The following LMCD1 variants were observed in gnomAD, a reference collection of about 807,000 sequenced individuals.
LMCD1 encodes the protein LIM and cysteine-rich domains protein 1.
A neutral mutation model predicts 42.7 loss-of-function variants in LMCD1; 32 were observed. The ratio of observed to expected loss-of-function variants is 0.75; its 90% CI spans 0.57 to 1.01. The LOEUF (loss-of-function observed/expected upper bound fraction) is 1.01. LMCD1 is among the 50% of genes least tolerant of loss of function. The pLI, the probability that LMCD1 is intolerant of heterozygous loss-of-function variation, is 0.00. For missense variants in LMCD1, 458 were observed against 483.1 expected (o/e 0.95, Z 0.49); for synonymous variants, 178 against 184.9 (o/e 0.96, Z 0.30).
Position 8,548,614 on chromosome 3 carries a change from C to G in LMCD1, c.434C>G (p.Thr145Arg). Residue 145 changes from threonine (T) to arginine (R), a missense_variant, in exon 4 of 6, where the codon ACA becomes AGA. Coordinates refer to ENST00000157600, the MANE Select transcript of LMCD1 (RefSeq NM_014583.4). The stretch of plus-strand genomic sequence containing the variant: ...ATCCCCAAGGAGAAGCAGCCAGTGA[C>G]AGGCACAGAGGGTGCCTTTTACCGC... Reference protein sequence around the residue: ...ELIPKEKQPVTGTEGAFYRRR... With the variant: ...ELIPKEKQPVRGTEGAFYRRR... 1 of 1,614,050 alleles carries G rather than the reference C, an allele frequency of 6.2e-7. No homozygotes were observed. Among genetic ancestry groups the G allele is most frequent in the Non-Finnish European group, 8.5e-7 (1 of 1,179,934 alleles).
At chr3:8,522,526 C>T (rs1286805977) in intron 1 of LMCD1, among the ~76,000 whole-genome samples, 1 of 152,202 alleles carries the variant, frequency 6.6e-6, no homozygotes, top group Non-Finnish European at 1.5e-5. Context: ...CAACAGTTCC[C>T]TTCCATCAGT....
At chr3:8,526,441 T>G (rs1694301344) in intron 1 of LMCD1, among the ~76,000 whole-genome samples, 1 of 152,232 alleles carries the variant, frequency 6.6e-6, no homozygotes, top group South Asian at 2.1e-4. Flanking sequence ...TTTCTGGTTT[T>G]CATACTAAAA....
intron 4 of LMCD1, among the ~76,000 whole-genome samples, chr3:8,565,029 T>C (rs188279910): frequency 2.1e-4 from 32 of 152,324 alleles, no homozygotes; most frequent in Admixed American, 1.8e-3. Context: ...GATAGGTATG[T>C]TAATGTATTA....
chr3:8,549,962 A>G, intron 4 of LMCD1: 3 of 1,254,208 alleles, frequency 2.4e-6, no homozygotes, highest in Non-Finnish European at 3.4e-6. Flanking sequence ...CTCACGACCC[A>G]ATCATCTCTT....
chr3:8,511,170 A>G (rs1311240021), intron 1 of LMCD1, among the ~76,000 whole-genome samples: 1 of 152,244 alleles, frequency 6.6e-6, no homozygotes, highest in African/African-American at 2.4e-5. Context: ...AGTTCTTGGC[A>G]CAGTACTTGA....
intron 1 of LMCD1, chr3:8,515,070 T>C (rs541273538): frequency 1.7e-4 from 78 of 455,752 alleles, no homozygotes; most frequent in South Asian, 1.2e-3. Flanking sequence ...GTGATATGTA[T>C]CCAGGCAGCA....
Position 8,501,943 on chromosome 3 carries a change from CA to C in LMCD1, c.8del (p.Lys3ArgfsTer57). ...GTTCCCCCACCCCAGAAGAGGATGGCAAAGGTGGCTAAGGACCTCAACCCAG... is the reference window on the plus strand; with the variant it reads ...GTTCCCCCACCCCAGAAGAGGATGGCAAGGTGGCTAAGGACCTCAACCCAG... M[A>X]KVAKDLNPGV... is the part of the protein sequence containing the mutation. On this transcript the variant is annotated frameshift_variant, in exon 1 of 6. Transcript: ENST00000157600. LOFTEE classifies it high-confidence loss of function. 1 of 1,594,166 alleles carries C rather than the reference CA, an allele frequency of 6.3e-7. No individual in the cohort carries two copies. Among genetic ancestry groups the C allele is most frequent in the Non-Finnish European group, 8.5e-7 (1 of 1,171,542 alleles).
intron 1 of LMCD1, among the ~76,000 whole-genome samples, chr3:8,510,502 G>T (rs1693975048): frequency 6.6e-6 from 1 of 152,188 alleles, no homozygotes; most frequent in Non-Finnish European, 1.5e-5. Flanking sequence ...ATTAGGAAAA[G>T]TATTGCATTT....
In LMCD1 at chr3:8,548,412, T is replaced by G. The variant is rs543910971; in HGVS notation, c.388-156T>G. ...TCTAAAATTACAAAAGTAATCTAAC[T>G]GCATTAAGTTAAGAAAATAAAGACT... On this transcript the variant is annotated intron_variant, in intron 3 of 5. Coordinates refer to ENST00000157600, the MANE Select transcript of LMCD1 (RefSeq NM_014583.4). Among the ~76,000 whole-genome samples the G allele has an allele frequency of 2.6e-5, 4 of 152,330 alleles. No homozygotes were observed. The East Asian group carries it at 7.7e-4, about 29-fold the overall frequency.
chr3:8,563,033 T>C (rs1031545975), intron 4 of LMCD1, among the ~76,000 whole-genome samples: 13 of 152,358 alleles, frequency 8.5e-5, no homozygotes, highest in African/African-American at 3.1e-4. Context: ...TCTGCTAGTG[T>C]CTTCCACACT....
rs899478733 is a variant in LMCD1, at chr3:8,505,303, C to G, written c.42+3323C>G. On this transcript the variant is annotated intron_variant, in intron 1 of 5. Transcript: ENST00000157600. The stretch of plus-strand genomic sequence containing the variant: ...TGCTGTTGCCTTCATTCTCACCCAA[C>G]GGGTGCAAAATCTGCTTACATGGAA... 1.2e-4 allele frequency among the ~76,000 whole-genome samples: 18 copies of G among 152,308 alleles called. 1 individual carries two copies. The highest frequency in any genetic ancestry group is 4.3e-4 in the African/African-American group (18 of 41,550).
At chr3:8,544,546 T>TC (rs1222567836) in intron 3 of LMCD1, among the ~76,000 whole-genome samples, 1 of 152,118 alleles carries the variant, frequency 6.6e-6, no homozygotes, top group Non-Finnish European at 1.5e-5. Context: ...CACCTGCCTT[T>TC]CCCCTTTCTA....
chr3:8,562,369 A>G (rs1045759815), intron 4 of LMCD1, among the ~76,000 whole-genome samples: 2 of 152,120 alleles, frequency 1.3e-5, no homozygotes, highest in African/African-American at 4.8e-5. Context: ...TTCTCCTGGG[A>G]GCCCTCCTAG....
intron 1 of LMCD1, among the ~76,000 whole-genome samples, chr3:8,530,602 G>A (rs922662252): frequency 1.3e-5 from 2 of 152,152 alleles, no homozygotes; most frequent in Non-Finnish European, 2.9e-5. Flanking sequence ...CTACCTCTCC[G>A]GTTTCCAGCC....
At chr3:8,550,094 TG>T in intron 4 of LMCD1, 2 of 1,423,720 alleles carry the variant, frequency 1.4e-6, no homozygotes, top group African/African-American at 1.4e-5. Flanking sequence ...AGTGAGTCAC[TG>T]GGGGCCATTT....
At chr3:8,536,425 C>T (rs1176060677) in intron 2 of LMCD1, among the ~76,000 whole-genome samples, 2 of 152,084 alleles carry the variant, frequency 1.3e-5, no homozygotes, top group East Asian at 3.9e-4. Context: ...TAAATCTGAA[C>T]CCTCCCCAGG....
chr3:8,554,069 G>C (rs532593900), intron 4 of LMCD1, among the ~76,000 whole-genome samples: 2 of 152,034 alleles, frequency 1.3e-5, no homozygotes, highest in Admixed American at 1.3e-4. Context: ...TTAGATACAC[G>C]GCTCTCACTC....
At chr3:8,535,142 C>G (rs1415249159) in intron 2 of LMCD1, among the ~76,000 whole-genome samples, 1 of 152,134 alleles carries the variant, frequency 6.6e-6, no homozygotes, top group Non-Finnish European at 1.5e-5. Context: ...CACTTTCTGC[C>G]TCTTCCTTCT....
rs774235968 is a variant in LMCD1, at chr3:8,567,537, C to A, written c.1037C>A (p.Ala346Glu). ...EGCEQLLSGR[A>E]YIVTKGQLLC... is the part of the protein sequence containing the mutation. ...TGTGAGCAGCTGCTGAGCGGCCGGG[C>A]GTACATCGTCACCAAGGGTCAGCTT... The change falls in exon 6 of 6, where the codon GCG becomes GAG. Residue 346 changes from alanine (A) to glutamate (E), a missense_variant. Physicochemically the swap from Ala to Glu is moderately radical, Grantham distance 107 (BLOSUM62 -1). Coordinates refer to ENST00000157600, the MANE Select transcript of LMCD1 (RefSeq NM_014583.4). 3.7e-6 allele frequency: 6 copies of A among 1,613,746 alleles called. No individual in the cohort carries two copies. The highest frequency in any genetic ancestry group is 1.1e-5 in the South Asian group (1 of 91,054).
Sources: allele counts gnomAD v4.1 joint callset (sites outside exome capture counted in the v4.1 genomes callset), GRCh38; gene constraint gnomAD v4.1.1; transcripts MANE v1.5; gene names NCBI Gene and HGNC (gene_info 2026-07-23, HGNC 2026-07-21).